APPBP2: variants seen among roughly 807,000 people sequenced by gnomAD.
The protein encoded by APPBP2 is amyloid beta precursor protein binding protein 2, also known as amyloid protein-binding protein 2.
A neutral mutation model predicts 76.0 loss-of-function variants in APPBP2; 15 were observed. The observed-to-expected ratio is 0.20, with a 90% CI of 0.13 to 0.30. The LOEUF is 0.30. APPBP2 is among the 10% of genes least tolerant of loss of function. The pLI is 1.00. For missense variants in APPBP2, 401 were observed against 687.2 expected, an observed-to-expected ratio of 0.58 and a Z score of 4.66; for synonymous variants, 222 against 242.2, an observed-to-expected ratio of 0.92 and a Z score of 0.77.
At chr17:60,463,959 A>G in intron 6 of APPBP2, 62 bp downstream of exon 6, 1 of 1,237,992 alleles carries the variant, frequency 8.1e-7, no homozygotes. Flanking sequence ...CAGGTTAATT[A>G]AAACAAACTT....
Position 60,518,360 on chromosome 17 carries a change from T to TGC in APPBP2, c.138+7433_138+7434insGC, listed in dbSNP as rs1440027090. The stretch of plus-strand genomic sequence containing the variant: ...CCATGCCCAGCCGTGTGTGCGTGCG[T>TGC]GTGTGTGTGTGTGTGTGTGTGTGTG... On this transcript the variant is annotated intron_variant, in intron 1 of 12. Coordinates refer to ENST00000083182, the MANE Select transcript of APPBP2 (RefSeq NM_006380.5). 6.3e-3 allele frequency among the ~76,000 whole-genome samples: 125 copies of TGC among 19,906 alleles called. 1 individual carries two copies. The highest frequency in any genetic ancestry group is 0.02 in the South Asian group (17 of 860). The allele number at this position is 19,906 out of a possible 152,430, so 13.1% of individuals were successfully genotyped here.
rs148869611 is a variant in APPBP2 at position 60,460,950 on chromosome 17, G to A, written c.937-163C>T. On this transcript the variant is annotated intron_variant, in intron 8 of 12. Coordinates refer to ENST00000083182, the MANE Select transcript of APPBP2 (RefSeq NM_006380.5). ...AATTACAGAACATGAAAGTCACCTA[G>A]AAGTCCTGAATTTCTGAAGATACGA... The A allele has an allele frequency of 1.6e-3, 811 of 500,456 alleles. 10 individuals are homozygous for A. The East Asian group carries it at 0.027, about 17-fold the overall frequency. 31.0% of individuals were successfully genotyped at this position (500,456 alleles called of 1,614,324 possible).
chr17:60,457,796 C>T (rs972519599), intron 9 of APPBP2, among the ~76,000 whole-genome samples: 1 of 152,166 alleles, frequency 6.6e-6, no homozygotes, highest in African/African-American at 2.4e-5. Context: ...TTTATAACAG[C>T]TCAAGATATA....
intron 4 of APPBP2, among the ~76,000 whole-genome samples, chr17:60,471,337 C>T (rs1026791891): frequency 6.6e-6 from 1 of 152,130 alleles, no homozygotes; most frequent in Non-Finnish European, 1.5e-5. Flanking sequence ...TCTGCTAAAG[C>T]TTCCAGTACA....
Position 60,461,907 on chromosome 17 carries a change from A to G in APPBP2, c.839T>C (p.Phe280Ser). 6.2e-7 allele frequency: 1 copy of G among 1,612,696 alleles called. No individual in the cohort carries two copies. The highest frequency in any genetic ancestry group is 8.5e-7 in the Non-Finnish European group (1 of 1,179,018). The change falls in exon 8 of 13, where the codon TTT (phenylalanine) becomes TCT (serine). Residue 280 changes from phenylalanine (F) to serine (S), a missense_variant. Around this residue, in one of 5 missense-constraint regions of APPBP2, gnomAD observed 130 missense variants for 322.7 expected, o/e 0.40. Coordinates refer to ENST00000083182, the MANE Select transcript of APPBP2 (RefSeq NM_006380.5). ...AGAATATTTTGGGTGTTTGGATCCA[A>G]AATGATCCCTATAAAAAGACACAAA... ...KHAVYLARDH[F>S]GSKHPKYSDT...
At chr17:60,458,779 T>G (rs995523879) in intron 9 of APPBP2, among the ~76,000 whole-genome samples, 16 of 146,694 alleles carry the variant, frequency 1.1e-4, no homozygotes, top group African/African-American at 4.2e-4. Flanking sequence ...GGTTTTTTTT[T>G]TTGTTTTTTT....
chr17:60,488,921 C>G (rs945886354), intron 3 of APPBP2, among the ~76,000 whole-genome samples: 5 of 152,176 alleles, frequency 3.3e-5, no homozygotes, highest in Non-Finnish European at 7.3e-5. Flanking sequence ...TTCCATAAGA[C>G]TATTTAAAAA....
intron 2 of APPBP2, 151 bp from the exon 3 acceptor site, chr17:60,494,768 A>T: frequency 1.4e-6 from 1 of 705,916 alleles, no homozygotes; most frequent in Non-Finnish European, 2.2e-6. Context: ...ACAAGGCCAT[A>T]ATTCAAAATT....
At chr17:60,519,497 GA>G (rs1033745940) in intron 1 of APPBP2, among the ~76,000 whole-genome samples, 1 of 147,830 alleles carries the variant, frequency 6.8e-6, no homozygotes, top group African/African-American at 2.7e-5. Context: ...ACAGAAAGGA[GA>G]AAATTTTTTT....
At chr17:60,525,555 G>A (rs1420058565) in intron 1 of APPBP2, among the ~76,000 whole-genome samples, 1 of 152,190 alleles carries the variant, frequency 6.6e-6, no homozygotes, top group Non-Finnish European at 1.5e-5. Flanking sequence ...CTGTGTAGAA[G>A]GGAACACCAA....
intron 3 of APPBP2, among the ~76,000 whole-genome samples, chr17:60,490,016 T>C (rs552769641): frequency 1.3e-4 from 19 of 151,664 alleles, no homozygotes; most frequent in African/African-American, 3.2e-4. Flanking sequence ...GCCTGGGTGA[T>C]AGAGTGAGAC....
chr17:60,457,081 G>A (rs892673682), intron 9 of APPBP2, among the ~76,000 whole-genome samples: 1 of 150,444 alleles, frequency 6.6e-6, no homozygotes, highest in East Asian at 2.0e-4. Flanking sequence ...GTTGCAGCGA[G>A]CCAAGATTGC....
chr17:60,466,852 G>A (rs745503472), intron 4 of APPBP2, among the ~76,000 whole-genome samples: 2 of 151,954 alleles, frequency 1.3e-5, no homozygotes, highest in Non-Finnish European at 2.9e-5. Context: ...CTTATTTTTG[G>A]TATAGTCTAA....
chr17:60,455,659 C>T (rs953355242), intron 10 of APPBP2, among the ~76,000 whole-genome samples: 5 of 152,206 alleles, frequency 3.3e-5, no homozygotes, highest in African/African-American at 9.6e-5. Context: ...TTATGAAACC[C>T]ATCTTCTATT....
At chr17:60,498,095 C>G (rs958947406) in intron 2 of APPBP2, among the ~76,000 whole-genome samples, 1 of 151,876 alleles carries the variant, frequency 6.6e-6, no homozygotes. Context: ...CCACTGCACT[C>G]CAGGCTGGGT....
At chr17:60,456,441 T>A in intron 9 of APPBP2, 60 bp from the exon 10 acceptor site, 1 of 1,092,146 alleles carries the variant, frequency 9.2e-7, no homozygotes, top group Non-Finnish European at 1.4e-6. Flanking sequence ...TTTAGGAATT[T>A]TAAAAATCAC....
intron 3 of APPBP2, among the ~76,000 whole-genome samples, chr17:60,486,504 T>C (rs2090679082): frequency 6.6e-6 from 1 of 152,206 alleles, no homozygotes; most frequent in Non-Finnish European, 1.5e-5. Flanking sequence ...TATCAGAGAC[T>C]AGGATTGCAA....
At chr17:60,524,692 CTG>C (rs1316931335) in intron 1 of APPBP2, among the ~76,000 whole-genome samples, 1 of 149,786 alleles carries the variant, frequency 6.7e-6, no homozygotes, top group African/African-American at 2.4e-5. Context: ...CCACAAAACA[CTG>C]TACATACGTA....
Position 60,494,536 on chromosome 17 carries a change from C to A in APPBP2, c.309G>T (p.Arg103Ser). ...VASVLAYSFS[R>S]RCSYIAESDA... ...CTGATTCTGCTATATAAGAGCACCG[C>A]CTACTGAATGAGTAGGCCAAGACTG... is the stretch of plus-strand genomic sequence containing the variant. The change falls in exon 3 of 13, where the codon AGG (arginine) becomes AGT (serine). Residue 103 changes from arginine to serine, a missense_variant. This residue lies in a region of APPBP2 where 149 missense variants were observed against 198.4 expected (regional missense o/e 0.75). Coordinates refer to ENST00000083182, the MANE Select transcript of APPBP2 (RefSeq NM_006380.5). 6.2e-7 allele frequency: 1 copy of A among 1,612,578 alleles called. No homozygotes were observed. Among genetic ancestry groups the A allele is most frequent in the Non-Finnish European group, 8.5e-7 (1 of 1,179,782 alleles).
Sources: gnomAD v4.1 joint callset for allele counts (sites outside exome capture counted in the v4.1 genomes callset) on GRCh38, gnomAD v4.1.1 for gene constraint, gnomAD v4.1.1 regional missense constraint, MANE v1.5 for transcripts, NCBI Gene and HGNC (gene_info 2026-07-23, HGNC 2026-07-21) for gene names.